The following STK32B variants were observed in gnomAD, a reference collection of about 807,000 sequenced individuals.
The protein encoded by STK32B is serine/threonine kinase 32B, also known as serine/threonine-protein kinase 32B.
Under a neutral mutation model 52.6 loss-of-function variants are expected in STK32B, and 43 were observed. The ratio of observed to expected loss-of-function variants is 0.82; its 90% confidence interval spans 0.64 to 1.05. STK32B has a LOEUF of 1.05. Among genes scored for constraint, STK32B ranks in the 50% least tolerant of loss-of-function variants. The pLI is 0.00. For synonymous variants in STK32B, 238 were observed against 204.3 expected (o/e 1.17, Z -1.41); for missense variants, 621 against 534.6 (o/e 1.16, Z -1.59).
At chr4:5,418,904 G>A (rs1190930544) in intron 6 of STK32B, among the ~76,000 whole-genome samples, 2 of 152,206 alleles carry the variant, frequency 1.3e-5, no homozygotes, top group African/African-American at 2.4e-5. Context: ...ACATGGTGGA[G>A]GGTTTGAATT....
rs539228403 is a variant in STK32B at position 5,080,532 on chromosome 4, C to T, written c.52+28617C>T. Among the ~76,000 whole-genome samples the T allele has an allele frequency of 2.6e-5, 4 of 152,240 alleles. No individual in the cohort carries two copies. In the East Asian group the frequency reaches 7.7e-4, roughly 29 times the overall value. On this transcript the variant is annotated intron_variant, in intron 1 of 11. Coordinates refer to ENST00000282908, the MANE Select transcript of STK32B (RefSeq NM_018401.3). ...GGTCTTCATTTCTCAGCTTTTCGCT[C>T]TTACTGATATTTCACCTTGCACCTA... is the stretch of plus-strand genomic sequence containing the variant.
chr4:5,434,600 GC>G (rs1334832360), intron 6 of STK32B, among the ~76,000 whole-genome samples: 19 of 152,188 alleles, frequency 1.2e-4, no homozygotes, highest in African/African-American at 4.1e-4. Flanking sequence ...GTTCAAATAA[GC>G]CTTAGTAGCT....
At chr4:5,112,376 G>A (rs1436419883) in intron 1 of STK32B, among the ~76,000 whole-genome samples, 1 of 152,168 alleles carries the variant, frequency 6.6e-6, no homozygotes, top group Non-Finnish European at 1.5e-5. Context: ...AAGTTGGAGA[G>A]CCAGGAGAGC....
intron 5 of STK32B, among the ~76,000 whole-genome samples, chr4:5,402,657 C>G (rs1038848318): frequency 6.6e-6 from 1 of 152,224 alleles, no homozygotes; most frequent in African/African-American, 2.4e-5. Flanking sequence ...TTGAGAAGCT[C>G]TCATTTGATT....
At chr4:5,418,253 C>T (rs1432726215) in intron 6 of STK32B, among the ~76,000 whole-genome samples, 2 of 151,902 alleles carry the variant, frequency 1.3e-5, no homozygotes, top group East Asian at 2.0e-4. Flanking sequence ...TGTTATTCTG[C>T]TCTTCATTCT....
chr4:5,315,306 C>T (rs939030825), intron 3 of STK32B, among the ~76,000 whole-genome samples: 3 of 152,044 alleles, frequency 2.0e-5, no homozygotes, highest in African/African-American at 7.2e-5. Context: ...GAATGGCTAG[C>T]TTAAAAATAG....
chr4:5,253,881 G>A (rs1364674355), intron 3 of STK32B, among the ~76,000 whole-genome samples: 1 of 152,230 alleles, frequency 6.6e-6, no homozygotes, highest in Non-Finnish European at 1.5e-5. Context: ...ATGAAATAAT[G>A]TATGTAAAGT....
At chr4:5,439,991 GT>G (rs1204632559) in intron 6 of STK32B, among the ~76,000 whole-genome samples, 2 of 152,316 alleles carry the variant, frequency 1.3e-5, no homozygotes, top group East Asian at 3.9e-4. Context: ...GTACCATGCT[GT>G]TTTGGTTACT....
At chr4:5,034,726 T>C in the STK32B span, among the ~76,000 whole-genome samples, 1 of 152,182 alleles carries the variant, frequency 6.6e-6, no homozygotes, top group African/African-American at 2.4e-5. Flanking sequence ...ATTCAGCTGA[T>C]GGGAATGTTG....
rs190220163 is a variant in STK32B, at chr4:5,054,350, G to T, written c.52+2435G>T. ...TGGAGGAGGGTCCCTAACTCAGAGT[G>T]GGGGGAGGGATCTGAAAAGGCCTCC... On this transcript the variant is annotated intron_variant, in intron 1 of 11. Transcript: ENST00000282908. Among the ~76,000 whole-genome samples the T allele has an allele frequency of 1.4e-4, 21 of 152,216 alleles. 1 individual carries two copies. Among genetic ancestry groups the T allele is most frequent in the East Asian group, 1.2e-3 (6 of 5,170 alleles).
At chr4:5,152,928 A>T (rs537926044) in intron 2 of STK32B, among the ~76,000 whole-genome samples, 1 of 152,356 alleles carries the variant, frequency 6.6e-6, no homozygotes, top group Admixed American at 6.5e-5. Context: ...AAGAGTCCTG[A>T]CTAATCAGAA....
At chr4:5,222,448 G>T (rs941436738) in intron 3 of STK32B, among the ~76,000 whole-genome samples, 1 of 152,220 alleles carries the variant, frequency 6.6e-6, no homozygotes, top group Non-Finnish European at 1.5e-5. Flanking sequence ...TGATTACTAA[G>T]TGGTCATGAT....
chr4:5,454,227 AG>A (rs1424183560), intron 7 of STK32B, among the ~76,000 whole-genome samples: 1 of 152,170 alleles, frequency 6.6e-6, no homozygotes, highest in Admixed American at 6.5e-5. Context: ...AGAGCTCTGT[AG>A]GGCTGCTGTT....
At chr4:5,043,270 A>G in the STK32B span, among the ~76,000 whole-genome samples, 1 of 152,126 alleles carries the variant, frequency 6.6e-6, no homozygotes, top group African/African-American at 2.4e-5. Flanking sequence ...CCTTGTCTCA[A>G]TCCTTTCCAA....
At chr4:5,089,227 A>G (rs982075202) in intron 1 of STK32B, among the ~76,000 whole-genome samples, 9 of 85,236 alleles carry the variant, frequency 1.1e-4, no homozygotes, top group South Asian at 4.3e-4. Flanking sequence ...TCTTTATTCT[A>G]AAAAAAAAAC....
chr4:5,049,772 A>C (rs566648964), upstream of STK32B, among the ~76,000 whole-genome samples: 1 of 152,234 alleles, frequency 6.6e-6, no homozygotes, highest in East Asian at 1.9e-4. Context: ...TTTTTAGTAC[A>C]GATGGGGTTT....
chr4:5,337,200 G>A (rs183731335), intron 4 of STK32B, among the ~76,000 whole-genome samples: 1 of 151,840 alleles, frequency 6.6e-6, no homozygotes, highest in Admixed American at 6.6e-5. Flanking sequence ...CGTTACCCGG[G>A]GTGGTCTCAT....
intron 4 of STK32B, among the ~76,000 whole-genome samples, chr4:5,344,888 AC>A (rs1486712409): frequency 6.6e-6 from 1 of 152,032 alleles, no homozygotes; most frequent in Non-Finnish European, 1.5e-5. Flanking sequence ...AAAGTTCAAG[AC>A]CAGCCTGGGC....
At chr4:5,482,802 G>C (rs112422147) in intron 11 of STK32B, among the ~76,000 whole-genome samples, 1,714 of 152,204 alleles carry the variant, frequency 0.011, 7 homozygotes, top group African/African-American at 0.039. Flanking sequence ...ATGAAACGTT[G>C]CTGAATTTTG....
Sources: allele counts gnomAD v4.1 joint callset (sites outside exome capture counted in the v4.1 genomes callset), GRCh38; gene constraint gnomAD v4.1.1; transcripts MANE v1.5; gene names NCBI Gene and HGNC (gene_info 2026-07-23, HGNC 2026-07-21).